The following ZNF441 variants were observed in gnomAD, a reference collection of about 807,000 sequenced individuals.
The protein encoded by ZNF441 is zinc finger protein 441.
A neutral mutation model predicts 64.5 loss-of-function variants in ZNF441; 25 were observed. The ratio of observed to expected loss-of-function variants is 0.39; its 90% CI spans 0.28 to 0.54. ZNF441 has a LOEUF of 0.54. Ranked by LOEUF, ZNF441 falls within the 20% of genes least tolerant of loss-of-function variation. ZNF441 has a pLI of 0.70. For synonymous variants in ZNF441, 262 were observed against 268.0 expected (o/e 0.98, Z 0.22); for missense variants, 715 against 843.3 (o/e 0.85, Z 1.88).
Position 11,781,653 on chromosome 19 carries a change from C to T in ZNF441, c.1829C>T (p.Thr610Ile). 1.9e-6 allele frequency: 3 copies of T among 1,614,156 alleles called. No homozygotes were observed. Among genetic ancestry groups the T allele is most frequent in the Non-Finnish European group, 2.5e-6 (3 of 1,180,016 alleles). Residue 610 changes from threonine to isoleucine, a missense_variant, in exon 4 of 4, where the codon ACT (threonine) becomes ATT (isoleucine). Transcript: ENST00000357901. The part of the protein sequence containing the change: ...SSVQRHERTH[T>I]GEKPYECKEC... Reference sequence around the variant, plus strand: ...GTGCAAAGACATGAAAGAACTCACACTGGAGAGAAACCCTATGAATGCAAG... The same window carrying T: ...GTGCAAAGACATGAAAGAACTCACATTGGAGAGAAACCCTATGAATGCAAG...
chr19:11,773,425 G>A (rs949235812), intron 1 of ZNF441, among the ~76,000 whole-genome samples: 19 of 152,206 alleles, frequency 1.2e-4, no homozygotes, highest in African/African-American at 4.1e-4. Context: ...GCCTGCTGGT[G>A]TAAAATGAAA....
rs1252247395 is a variant in ZNF441, at chr19:11,767,174, T to C, written c.-20T>C. 18 of 1,557,582 alleles carry C rather than the reference T, an allele frequency of 1.2e-5. No homozygotes were observed. The highest frequency in any genetic ancestry group is 2.4e-5 in the East Asian group (1 of 41,154). On this transcript the variant is annotated 5_prime_UTR_variant, in exon 1 of 4. Coordinates refer to ENST00000357901, the MANE Select transcript of ZNF441 (RefSeq NM_152355.3). The surrounding 1 kb of genome is among the most constrained non-coding windows in gnomAD (Gnocchi z 5.1). ...ACAGCGGGAGGCAGAGGGAGGAACC[T>C]GGACGCCGGAAGCCGGGAAATGGTG...
intron 1 of ZNF441, among the ~76,000 whole-genome samples, chr19:11,776,990 A>C (rs1975360263): frequency 6.6e-6 from 1 of 152,050 alleles, no homozygotes; most frequent in African/African-American, 2.4e-5. Flanking sequence ...TTGTATTTTT[A>C]GTAGAGACAG....
chr19:11,771,567 A>G (rs1361206335), intron 1 of ZNF441, among the ~76,000 whole-genome samples: 3 of 152,210 alleles, frequency 2.0e-5, no homozygotes, highest in Non-Finnish European at 2.9e-5. Context: ...CTTTATTCCA[A>G]TATTATAATA....
intron 2 of ZNF441, chr19:11,778,074 A>T (rs405745): frequency 0.44 from 193,705 of 443,730 alleles, 44,576 homozygotes; most frequent in African/African-American, 0.69. Context: ...AGAAAATACA[A>T]CATTACAAAG....
chr19:11,777,587 C>T (rs1210575060), intron 1 of ZNF441, 24 bp from the exon 2 acceptor site: 1 of 1,603,496 alleles, frequency 6.2e-7, no homozygotes, highest in Admixed American at 1.7e-5. Flanking sequence ...AATATTCCTC[C>T]TCTGCACATG....
chr19:11,774,172 G>A (rs534955723), intron 1 of ZNF441, among the ~76,000 whole-genome samples: 10 of 152,172 alleles, frequency 6.6e-5, no homozygotes, highest in Admixed American at 5.9e-4. Context: ...ACACTATACC[G>A]GCTTCAGGGG....
At chr19:11,769,526 G>C (rs1975296672) in intron 1 of ZNF441, among the ~76,000 whole-genome samples, 1 of 152,174 alleles carries the variant, frequency 6.6e-6, no homozygotes, top group Non-Finnish European at 1.5e-5. Context: ...GGTAGAGAAA[G>C]ACCCTTCCTA....
intron 1 of ZNF441, among the ~76,000 whole-genome samples, chr19:11,774,780 A>G (rs1353579868): frequency 1.3e-5 from 2 of 152,178 alleles, no homozygotes; most frequent in African/African-American, 2.4e-5. Flanking sequence ...TGGTTTATCT[A>G]AATTAAATTT....
intron 1 of ZNF441, among the ~76,000 whole-genome samples, chr19:11,772,917 G>A (rs759646249): frequency 4.6e-5 from 7 of 152,072 alleles, no homozygotes; most frequent in Non-Finnish European, 8.8e-5. Context: ...CCTAGCTCCC[G>A]AGTAGCTGGA....
chr19:11,780,578 T>G lies in ZNF441; in HGVS notation c.754T>G (p.Tyr252Asp). ...HERTHSGEKP[Y>D]QCKQCGKAFS... ...AAGAACACACAGTGGAGAGAAACCC[T>G]ATCAATGTAAACAATGTGGGAAAGC... Residue 252 changes from tyrosine (Y) to aspartate (D), a missense_variant, in exon 4 of 4, where the codon TAT becomes GAT. Transcript: ENST00000357901. The G allele has an allele frequency of 6.2e-7, 1 of 1,614,164 alleles. No individual in the cohort carries two copies. The highest frequency in any genetic ancestry group is 8.5e-7 in the Non-Finnish European group (1 of 1,180,026).
intron 1 of ZNF441, among the ~76,000 whole-genome samples, chr19:11,771,104 G>A (rs1163285744): frequency 1.3e-5 from 2 of 152,132 alleles, no homozygotes; most frequent in African/African-American, 4.8e-5. Flanking sequence ...CAAGAAATCA[G>A]TAGAAAACAT....
intron 1 of ZNF441, among the ~76,000 whole-genome samples, chr19:11,770,636 G>A (rs394957): frequency 0.33 from 50,591 of 151,908 alleles, 8,807 homozygotes; most frequent in Middle Eastern, 0.4. Flanking sequence ...GCAGTATCAT[G>A]ATCTCACTGC....
chr19:11,767,397 C>CGGCCCT lies in ZNF441; in HGVS notation c.3+210_3+215dup, dbSNP rs1975279212. ...CTGTCCCGTCCCTGCGCGGCCACTG[C>CGGCCCT]GGCCCTGGCCCTGGAGGCCTGTCTG... On this transcript the variant is annotated intron_variant, in intron 1 of 3. Coordinates refer to ENST00000357901, the MANE Select transcript of ZNF441 (RefSeq NM_152355.3). This position sits in a 1 kb window ranked among gnomAD's most constrained non-coding sequence, Gnocchi z 5.1. Among the ~76,000 whole-genome samples the CGGCCCT allele has an allele frequency of 6.6e-6, 1 of 152,224 alleles. No homozygotes were observed. The highest frequency in any genetic ancestry group is 1.5e-5 in the Non-Finnish European group (1 of 68,038).
At position 11,767,228 on chromosome 19, in the gene ZNF441, TGAGAG is replaced by T; in HGVS notation, c.3+38_3+42del. ...GTGTGAGGTCTGGTGTCCCGACGCG[TGAGAG>T]GAGAGACTGGTTGGAACCGGCCGGA... On this transcript the variant is annotated intron_variant, in intron 1 of 3. Coordinates refer to ENST00000357901, the MANE Select transcript of ZNF441 (RefSeq NM_152355.3). This position sits in a 1 kb window ranked among gnomAD's most constrained non-coding sequence, Gnocchi z 5.1. 1 of 1,556,202 alleles carries T rather than the reference TGAGAG, an allele frequency of 6.4e-7. No homozygotes were observed. The highest frequency in any genetic ancestry group is 8.7e-7 in the Non-Finnish European group (1 of 1,149,748).
In ZNF441 at chr19:11,781,867, T is replaced by C; in HGVS notation, c.2043T>C (p.His681=). ...GTAAAGAATGTGGGGAAGCATTTCA[T>C]TGTATCAGTTCCTTTCATAAACATG... ...YKCKECGEAF[H]CISSFHKHEM... The change falls in exon 4 of 4, where the codon CAT becomes CAC. Residue 681 remains histidine (H), a synonymous_variant. Coordinates refer to ENST00000357901, the MANE Select transcript of ZNF441 (RefSeq NM_152355.3). 6.2e-7 allele frequency: 1 copy of C among 1,606,374 alleles called. No individual in the cohort carries two copies. The highest frequency in any genetic ancestry group is 8.5e-7 in the Non-Finnish European group (1 of 1,175,068).
At chr19:11,772,809 C>G (rs1975324998) in intron 1 of ZNF441, among the ~76,000 whole-genome samples, 1 of 152,140 alleles carries the variant, frequency 6.6e-6, no homozygotes, top group South Asian at 2.1e-4. Flanking sequence ...GGGAGGATCA[C>G]TTGATCCCAG....
At chr19:11,773,440 C>T (rs950053360) in intron 1 of ZNF441, among the ~76,000 whole-genome samples, 2 of 152,158 alleles carry the variant, frequency 1.3e-5, no homozygotes, top group African/African-American at 4.8e-5. Flanking sequence ...ATGAAAGAAT[C>T]TGTAAATACA....
intron 1 of ZNF441, among the ~76,000 whole-genome samples, chr19:11,769,596 A>G (rs1975297030): frequency 1.3e-5 from 2 of 152,174 alleles, no homozygotes; most frequent in Admixed American, 1.3e-4. Context: ...TACACAACAG[A>G]TATTCATTTC....
Sources: gnomAD v4.1 joint callset for allele counts (sites outside exome capture counted in the v4.1 genomes callset) on GRCh38, gnomAD v4.1.1 for gene constraint, Gnocchi (gnomAD v3.1) non-coding constraint, MANE v1.5 for transcripts, NCBI Gene and HGNC (gene_info 2026-07-23, HGNC 2026-07-21) for gene names.